Variants in PIGK observed in about 807,000 individuals in gnomAD.
PIGK encodes phosphatidylinositol glycan anchor biosynthesis class K, also known as GPI-anchor transamidase.
PIGK carries 42 observed loss-of-function variants against 50.6 expected under a neutral mutation model. The observed-to-expected ratio is 0.83, with a 90% CI of 0.65 to 1.07. PIGK has a LOEUF of 1.07. Ranked by LOEUF, PIGK falls within the 50% of genes least tolerant of loss-of-function variation. The pLI is 0.00. For missense variants in PIGK, 448 were observed against 488.7 expected (o/e 0.92, Z 0.78); for synonymous variants, 151 against 156.0 (o/e 0.97, Z 0.24).
At chr1:77,164,019 T>C in intron 5 of PIGK, 77 bp from the exon 6 acceptor site, 1 of 718,158 alleles carries the variant, frequency 1.4e-6, no homozygotes, top group Non-Finnish European at 2.3e-6. Flanking sequence ...ATTTACTTCA[T>C]TCATTACATT....
chr1:77,097,425 A>G (rs1653441179), intron 10 of PIGK, among the ~76,000 whole-genome samples: 1 of 152,154 alleles, frequency 6.6e-6, no homozygotes, highest in African/African-American at 2.4e-5. Flanking sequence ...AGAGGTAATC[A>G]CATGTTGCGC....
At chr1:77,142,814 C>T (rs942924203) in intron 9 of PIGK, among the ~76,000 whole-genome samples, 4 of 152,058 alleles carry the variant, frequency 2.6e-5, no homozygotes, top group Admixed American at 6.6e-5. Flanking sequence ...GGATTACAAT[C>T]CAGATGAGAT....
At chr1:77,168,040 T>A (rs540106784) in intron 4 of PIGK, among the ~76,000 whole-genome samples, 16 of 152,130 alleles carry the variant, frequency 1.1e-4, no homozygotes, top group African/African-American at 3.9e-4. Context: ...AAGTTCCATA[T>A]ATATTTCCCC....
intron 9 of PIGK, among the ~76,000 whole-genome samples, chr1:77,126,973 T>C (rs1447931689): frequency 6.6e-6 from 1 of 152,170 alleles, no homozygotes; most frequent in African/African-American, 2.4e-5. Flanking sequence ...AATAAGGGAA[T>C]AATTTCTACA....
Position 77,161,597 on chromosome 1 carries a change from G to T in PIGK, c.699C>A (p.Leu233=). 2.2e-6 allele frequency: 3 copies of T among 1,370,944 alleles called. No homozygotes were observed. Among genetic ancestry groups the T allele is most frequent in the Non-Finnish European group, 3.1e-6 (3 of 958,046 alleles). The allele number at this position is 1,370,944 out of a possible 1,614,324, so 84.9% of individuals were successfully genotyped here. Residue 233 remains leucine (L), a synonymous_variant, in exon 7 of 11, where the codon CTC becomes CTA. Transcript: ENST00000370812. The part of the protein sequence containing the change: ...LASSQVGEDS[L]SHQPDPAIGV... ...CAAATGGGGAAAATGCACATACCGAGAGTGAATCTTCTCCCACTTGACTAC... is the reference window on the plus strand; with the variant it reads ...CAAATGGGGAAAATGCACATACCGATAGTGAATCTTCTCCCACTTGACTAC...
intron 9 of PIGK, chr1:77,129,138 G>A (rs1321742440): frequency 1.4e-6 from 2 of 1,434,640 alleles, no homozygotes; most frequent in Non-Finnish European, 2.0e-6. Context: ...ACTTGACCCG[G>A]AGAACCCCAC....
intron 3 of PIGK, among the ~76,000 whole-genome samples, chr1:77,206,289 A>G (rs1656285214): frequency 6.6e-6 from 1 of 152,172 alleles, no homozygotes; most frequent in African/African-American, 2.4e-5. Flanking sequence ...AAGGTAATCA[A>G]TATGCTTTCA....
intron 3 of PIGK, among the ~76,000 whole-genome samples, chr1:77,187,455 CA>C (rs1289058171): frequency 1.3e-5 from 2 of 152,146 alleles, no homozygotes; most frequent in African/African-American, 2.4e-5. Context: ...ACACTGACAC[CA>C]GGAGACACAA....
chr1:77,180,369 T>A (rs961132115), intron 3 of PIGK, among the ~76,000 whole-genome samples: 7 of 143,192 alleles, frequency 4.9e-5, no homozygotes, highest in Admixed American at 4.8e-4. Flanking sequence ...TTCAAAATCA[T>A]GCATTCCTAT....
intron 9 of PIGK, among the ~76,000 whole-genome samples, chr1:77,122,858 CTTTA>C (rs1178807109): frequency 1.3e-5 from 2 of 152,154 alleles, no homozygotes; most frequent in Admixed American, 6.5e-5. Context: ...CAATTCTCTT[CTTTA>C]TTTATTCTTC....
chr1:77,216,700 A>G (rs1340686069), intron 1 of PIGK, among the ~76,000 whole-genome samples: 2 of 152,048 alleles, frequency 1.3e-5, no homozygotes, highest in African/African-American at 4.8e-5. Flanking sequence ...TAAAGAAAGC[A>G]ATGTGCTACA....
At chr1:77,208,913 A>C (rs955532169) in intron 2 of PIGK, among the ~76,000 whole-genome samples, 2 of 152,174 alleles carry the variant, frequency 1.3e-5, no homozygotes, top group African/African-American at 4.8e-5. Context: ...CAAAGCCTCA[A>C]ACTTCATTTG....
At chr1:77,119,752 G>C (rs1654051731) in intron 10 of PIGK, among the ~76,000 whole-genome samples, 1 of 152,088 alleles carries the variant, frequency 6.6e-6, no homozygotes, top group South Asian at 2.1e-4. Context: ...TCCCTGCTTT[G>C]AAAGCCTCCA....
chr1:77,181,642 A>G (rs1418848830), intron 3 of PIGK, among the ~76,000 whole-genome samples: 1 of 152,172 alleles, frequency 6.6e-6, no homozygotes, highest in Non-Finnish European at 1.5e-5. Flanking sequence ...AAATTAACAC[A>G]GCAGGAAATA....
intron 9 of PIGK, among the ~76,000 whole-genome samples, chr1:77,130,480 C>T (rs1211438845): frequency 3.3e-5 from 5 of 152,018 alleles, no homozygotes; most frequent in African/African-American, 1.2e-4. Flanking sequence ...CTTACCTATC[C>T]TTTCCTCCAA....
At chr1:77,122,480 G>C in intron 9 of PIGK, 121 bp from the exon 10 acceptor site, 1 of 610,986 alleles carries the variant, frequency 1.6e-6, no homozygotes, top group Non-Finnish European at 2.9e-6. Context: ...GAAATAATCA[G>C]TATTTATCAA....
At chr1:77,103,417 G>A (rs990247376) in intron 10 of PIGK, among the ~76,000 whole-genome samples, 1 of 152,314 alleles carries the variant, frequency 6.6e-6, no homozygotes, top group South Asian at 2.1e-4. Context: ...ACCAGTGTCT[G>A]TTTAGGGGTA....
intron 3 of PIGK, among the ~76,000 whole-genome samples, chr1:77,195,615 C>G (rs903300967): frequency 6.6e-6 from 1 of 152,124 alleles, no homozygotes; most frequent in Non-Finnish European, 1.5e-5. Flanking sequence ...TATTTTGCCA[C>G]TAATGTGCTA....
Position 77,154,572 on chromosome 1 carries a change from G to C in PIGK, c.863C>G (p.Thr288Ser). Residue 288 changes from threonine to serine, a missense_variant, in exon 9 of 11, where the codon ACT becomes AGT. Physicochemically the swap from Thr to Ser is moderately conservative, Grantham distance 58. Transcript: ENST00000370812. Reference protein sequence around the residue: ...SLCVSTPGHRTDLFQRDPKNV... With the variant: ...SLCVSTPGHRSDLFQRDPKNV... Reference sequence around the variant, plus strand: ...TTTAGGATCCCTCTGAAAAAGATCAGTGCGATGTCCAGGAGTAGACACACA... The same window carrying C: ...TTTAGGATCCCTCTGAAAAAGATCACTGCGATGTCCAGGAGTAGACACACA... 6.2e-7 allele frequency: 1 copy of C among 1,612,868 alleles called. No homozygotes were observed. Among genetic ancestry groups the C allele is most frequent in the South Asian group, 1.1e-5 (1 of 91,034 alleles).
Sources: gnomAD v4.1 joint callset for allele counts (sites outside exome capture counted in the v4.1 genomes callset) on GRCh38, gnomAD v4.1.1 for gene constraint, MANE v1.5 for transcripts, NCBI Gene and HGNC (gene_info 2026-07-23, HGNC 2026-07-21) for gene names.